Variants in ZRANB2 observed in about 807,000 individuals in gnomAD.
ZRANB2 encodes the protein zinc finger RANBP2-type containing 2, also known as zinc finger Ran-binding domain-containing protein 2.
A neutral mutation model predicts 53.4 loss-of-function variants in ZRANB2; 19 were observed. That is an observed-to-expected ratio of 0.36 (90% CI 0.25 to 0.52). The LOEUF (loss-of-function observed/expected upper bound fraction) is 0.52. Among genes scored for constraint, ZRANB2 ranks in the 20% least tolerant of loss-of-function variants. The pLI is 0.93. For missense variants in ZRANB2, 309 were observed against 401.1 expected (o/e 0.77, Z 1.96); for synonymous variants, 145 against 134.8 (o/e 1.08, Z -0.52).
chr1:71,065,881 A>C (rs1573048651), intron 9 of ZRANB2: 1 of 1,376,124 alleles, frequency 7.3e-7, no homozygotes, highest in East Asian at 2.4e-5. Context: ...AAAACAGAGT[A>C]ATTTTTTTTA....
At chr1:71,071,228 C>T (rs990703830) in intron 6 of ZRANB2, among the ~76,000 whole-genome samples, 1 of 152,134 alleles carries the variant, frequency 6.6e-6, no homozygotes, top group Non-Finnish European at 1.5e-5. Context: ...CTTTTTCTGT[C>T]ACACTTATGC....
chr1:71,065,097 G>A lies in ZRANB2; in HGVS notation c.970C>T (p.Arg324Cys), dbSNP rs148862349. The change falls in exon 10 of 10, where the codon CGT becomes TGT. Residue 324 changes from arginine to cysteine, a missense_variant. Physicochemically the swap from Arg to Cys is radical, Grantham distance 180. This residue lies in a region of ZRANB2 where 211 missense variants were observed against 196.1 expected (regional missense o/e 1.08). Transcript: ENST00000370920. ...SSSGSSHSGSRSSSKKK is the reference protein window; with the variant it reads ...SSSGSSHSGSCSSSKKK ...CATTATTTCTTTTTTGAACTTGAAC[G>A]GGAACCAGAATGGGATGATCCAGAT... The A allele has an allele frequency of 7.2e-4, 1,167 of 1,611,050 alleles. 1 individual carries two copies. Among genetic ancestry groups the A allele is most frequent in the Non-Finnish European group, 9.0e-4 (1,055 of 1,178,186 alleles).
intron 4 of ZRANB2, among the ~76,000 whole-genome samples, 176 bp downstream of exon 4, chr1:71,076,619 G>A (rs1661715903): frequency 6.6e-6 from 1 of 152,044 alleles, no homozygotes; most frequent in African/African-American, 2.4e-5. Flanking sequence ...TATAAATTGT[G>A]AAACAAAAGA....
chr1:71,079,802 C>T (rs992637997), intron 1 of ZRANB2, among the ~76,000 whole-genome samples: 2 of 152,176 alleles, frequency 1.3e-5, no homozygotes, highest in Admixed American at 1.3e-4. Flanking sequence ...ATCTTTTGAA[C>T]GTTTTCAATA....
chr1:71,073,419 T>C (rs1472845540), intron 4 of ZRANB2, among the ~76,000 whole-genome samples: 3 of 152,100 alleles, frequency 2.0e-5, no homozygotes, highest in Non-Finnish European at 4.4e-5. Flanking sequence ...TTTCCAGACT[T>C]AGGGACTTCA....
chr1:71,075,712 C>T (rs751112200), intron 4 of ZRANB2, among the ~76,000 whole-genome samples: 9 of 151,650 alleles, frequency 5.9e-5, no homozygotes, highest in Non-Finnish European at 1.0e-4. Flanking sequence ...ACGGTGCATA[C>T]CTTAGGTGAG....
At chr1:71,075,890 G>A (rs935273119) in intron 4 of ZRANB2, among the ~76,000 whole-genome samples, 4 of 147,060 alleles carry the variant, frequency 2.7e-5, no homozygotes, top group African/African-American at 7.7e-5. Context: ...ATATGAGAAT[G>A]TAAGTTTTAA....
Position 71,069,206 on chromosome 1 carries a change from A to G in ZRANB2, c.770+70T>C, listed in dbSNP as rs1661540103. 11 of 1,275,476 alleles carry G rather than the reference A, an allele frequency of 8.6e-6. No homozygotes were observed. The East Asian group carries it at 2.1e-4, about 24-fold the overall frequency. 79.0% of individuals were successfully genotyped at this position (1,275,476 alleles called of 1,614,324 possible). A position where few individuals can be genotyped will look rare whatever the true frequency, so the allele number is the denominator to read the frequency against. ...GTAGAAGCAAAATAAGGGGAAAAAA[A>G]GCAGCAACACCTTCTGCAGCCTTTA... On this transcript the variant is annotated intron_variant, in intron 8 of 9. Transcript: ENST00000370920.
chr1:71,068,583 AAAT>A (rs1282758025), intron 8 of ZRANB2, among the ~76,000 whole-genome samples: 6 of 152,134 alleles, frequency 3.9e-5, no homozygotes, highest in African/African-American at 1.4e-4. Flanking sequence ...TGTGCTCTAT[AAAT>A]AATAGCGTGT....
In ZRANB2 at chr1:71,066,806, T is replaced by G; in HGVS notation, c.899A>C (p.Lys300Thr). The G allele has an allele frequency of 6.2e-7, 1 of 1,612,510 alleles. No individual in the cohort carries two copies. The highest frequency in any genetic ancestry group is 8.5e-7 in the Non-Finnish European group (1 of 1,179,488). Reference protein sequence around the residue: ...SRSSSSGDRKKRRTRSRSPER... With the variant: ...SRSSSSGDRKTRRTRSRSPER... ...GGGTGACCGTGATCTTGTTCGTCTT[T>G]TTTTGCGATCACCAGATGAAGAAGA... The change falls in exon 9 of 10, where the codon AAA becomes ACA. Residue 300 changes from lysine to threonine, a missense_variant. This residue lies in a region of ZRANB2 where 211 missense variants were observed against 196.1 expected (regional missense o/e 1.08). Transcript: ENST00000370920.
intron 1 of ZRANB2, among the ~76,000 whole-genome samples, chr1:71,078,964 C>T (rs1263485162): frequency 6.6e-6 from 1 of 152,130 alleles, no homozygotes; most frequent in Non-Finnish European, 1.5e-5. Flanking sequence ...GGATCTCTGC[C>T]TCAAGTCCTC....
chr1:71,070,806 C>A, intron 7 of ZRANB2, 21 bp downstream of exon 7: 2 of 1,466,892 alleles, frequency 1.4e-6, no homozygotes, highest in African/African-American at 1.4e-5. Flanking sequence ...CTGGTGTTAC[C>A]CTTGACCTGT....
chr1:71,065,133 G>A lies in ZRANB2; in HGVS notation c.934C>T (p.His312Tyr), dbSNP rs778605260. The part of the protein sequence containing the change: ...RTRSRSPERR[H>Y]RSSSGSSHSG... ...TGGGATGATCCAGATGATGACCTGT[G>A]GCGTCTGTAAGACATAATGGAGAGA... is the stretch of plus-strand genomic sequence containing the variant. Residue 312 changes from histidine (H) to tyrosine (Y), a missense_variant, in exon 10 of 10, where the codon CAC (histidine) becomes TAC (tyrosine). His to Tyr is a moderately conservative substitution (Grantham distance 83). Coordinates refer to ENST00000370920, the MANE Select transcript of ZRANB2 (RefSeq NM_203350.3). 2.5e-6 allele frequency: 4 copies of A among 1,610,962 alleles called. No homozygotes were observed. Among genetic ancestry groups the A allele is most frequent in the Non-Finnish European group, 3.4e-6 (4 of 1,178,058 alleles).
At chr1:71,077,920 T>C (rs1438476264) in intron 3 of ZRANB2, among the ~76,000 whole-genome samples, 1 of 152,176 alleles carries the variant, frequency 6.6e-6, no homozygotes, top group Non-Finnish European at 1.5e-5. Context: ...TTTAGACCTC[T>C]TTCATACACA....
At chr1:71,065,175 G>A in intron 9 of ZRANB2, 38 bp from the exon 10 acceptor site, 1 of 1,492,848 alleles carries the variant, frequency 6.7e-7, no homozygotes, top group Non-Finnish European at 9.3e-7. Context: ...ATTCTAGTAA[G>A]CTAGAGCTAA....
At chr1:71,071,136 C>CAGA in intron 6 of ZRANB2, 140 bp from the exon 7 acceptor site, 2 of 707,894 alleles carry the variant, frequency 2.8e-6, no homozygotes, top group Non-Finnish European at 4.1e-6. Flanking sequence ...TTCTAAAATT[C>CAGA]ACCTACTAAA....
Position 71,065,095 on chromosome 1 carries a change from A to C in ZRANB2, c.972T>G (p.Arg324=). The change falls in exon 10 of 10, where the codon CGT becomes CGG. Residue 324 remains arginine (R), a synonymous_variant. Transcript: ENST00000370920. ...TACATTATTTCTTTTTTGAACTTGA[A>C]CGGGAACCAGAATGGGATGATCCAG... ...SSSGSSHSGS[R]SSSKKK 1 of 1,611,310 alleles carries C rather than the reference A, an allele frequency of 6.2e-7. No homozygotes were observed. The highest frequency in any genetic ancestry group is 1.1e-5 in the South Asian group (1 of 90,842).
chr1:71,065,579 C>A (rs1025956786), intron 9 of ZRANB2: 2 of 1,451,972 alleles, frequency 1.4e-6, no homozygotes, highest in African/African-American at 1.4e-5. Flanking sequence ...AGAAAATATA[C>A]TCATAAATAA....
chr1:71,073,184 TTC>T (rs1356354155), intron 4 of ZRANB2, among the ~76,000 whole-genome samples: 1 of 152,132 alleles, frequency 6.6e-6, no homozygotes, highest in African/African-American at 2.4e-5. Context: ...CAAACCACTA[TTC>T]TCTCATGTCA....
Sources: gnomAD v4.1 joint callset for allele counts (sites outside exome capture counted in the v4.1 genomes callset) on GRCh38, gnomAD v4.1.1 for gene constraint, gnomAD v4.1.1 regional missense constraint, MANE v1.5 for transcripts, NCBI Gene and HGNC (gene_info 2026-07-23, HGNC 2026-07-21) for gene names.